The following MPI variants were observed in gnomAD, a reference collection of about 807,000 sequenced individuals.
The protein encoded by MPI is mannose phosphate isomerase.
A neutral mutation model predicts 40.1 loss-of-function variants in MPI; 33 were observed. The ratio of observed to expected loss-of-function variants is 0.82; its 90% CI spans 0.62 to 1.10. The LOEUF is 1.10. Ranked by LOEUF, MPI falls within the 50% of genes least tolerant of loss-of-function variation. The pLI, the probability that MPI is intolerant of heterozygous loss-of-function variation, is 0.00. For synonymous variants in MPI, 187 were observed against 207.4 expected, an observed-to-expected ratio of 0.90 and a Z score of 0.85; for missense variants, 514 against 524.1, an observed-to-expected ratio of 0.98 and a Z score of 0.19.
intron 5 of MPI, among the ~76,000 whole-genome samples, chr15:74,894,091 T>TG (rs2064774886): frequency 5.3e-5 from 3 of 56,814 alleles, no homozygotes; most frequent in Non-Finnish European, 3.5e-5. Flanking sequence ...TGTGTGTGTG[T>TG]GTGTGTGTGT....
rs1318475535 is a variant in MPI at position 74,901,131 on chromosome 15, T to C, written c.*3401T>C. 2 of 152,176 alleles carry C rather than the reference T, an allele frequency of 1.3e-5. No homozygotes were observed. The highest frequency in any genetic ancestry group is 6.6e-5 in the Admixed American group (1 of 15,256). The allele number at this position is 152,176 out of a possible 1,614,324, so 9.4% of individuals were successfully genotyped here. A position where few individuals can be genotyped will look rare whatever the true frequency, so the allele number is the denominator to read the frequency against. ...GAACCTATACCCCAATCCCGACTATTGGGCTGGGAACCCTGTCTATGCCCA... is the reference window on the plus strand; with the variant it reads ...GAACCTATACCCCAATCCCGACTATCGGGCTGGGAACCCTGTCTATGCCCA... On this transcript the variant is annotated 3_prime_UTR_variant, in exon 8 of 8. Transcript: ENST00000352410.
intron 5 of MPI, among the ~76,000 whole-genome samples, chr15:74,895,097 C>G (rs1330553656): frequency 2.7e-5 from 4 of 146,394 alleles, no homozygotes; most frequent in Non-Finnish European, 6.0e-5. Context: ...TCCCGAGTAG[C>G]TGGGATTACA....
At position 74,891,480 on chromosome 15, in the gene MPI, G is replaced by T; in HGVS notation, c.246G>T (p.Leu82Phe). Residue 82 changes from leucine to phenylalanine, a missense_variant, in exon 3 of 8, where the codon TTG becomes TTT. Coordinates refer to ENST00000352410, the MANE Select transcript of MPI (RefSeq NM_002435.3). Reference protein sequence around the residue: ...SQWIAENQDSLGSKVKDTFNG... With the variant: ...SQWIAENQDSFGSKVKDTFNG... ...GGATTGCTGAGAACCAGGACAGCTT[G>T]GGCTCAAAGGTCAAGGACACCTTTA... The T allele has an allele frequency of 1.9e-6, 3 of 1,614,168 alleles. No homozygotes were observed. Among genetic ancestry groups the T allele is most frequent in the Non-Finnish European group, 2.5e-6 (3 of 1,180,030 alleles).
rs1249112550 is a variant in MPI, at chr15:74,899,653, G to A, written c.*1923G>A. On this transcript the variant is annotated 3_prime_UTR_variant, in exon 8 of 8. Transcript: ENST00000352410. ...TTAACTTTTATTTTTTTGAGACGGAGTCTCGCACTGTCTCCCGGGCTGGAG... is the reference window on the plus strand; with the variant it reads ...TTAACTTTTATTTTTTTGAGACGGAATCTCGCACTGTCTCCCGGGCTGGAG... 1.3e-5 allele frequency: 2 copies of A among 152,218 alleles called. No individual in the cohort carries two copies. Among genetic ancestry groups the A allele is most frequent in the African/African-American group, 4.8e-5 (2 of 41,458 alleles). The allele number at this position is 152,218 out of a possible 1,614,324, so 9.4% of individuals were successfully genotyped here. A position where few individuals can be genotyped will look rare whatever the true frequency, so the allele number is the denominator to read the frequency against.
intron 4 of MPI, 146 bp from the exon 5 acceptor site, chr15:74,892,992 G>A (rs1301737593): frequency 3.0e-6 from 4 of 1,316,350 alleles, no homozygotes; most frequent in African/African-American, 2.9e-5. Flanking sequence ...GGCTGGTGGT[G>A]AGTGATTGGT....
rs746569993 is a variant in MPI at position 74,901,910 on chromosome 15, C to G, written c.*4180C>G. 1 of 393,608 alleles carries G rather than the reference C, an allele frequency of 2.5e-6. No individual in the cohort carries two copies. The highest frequency in any genetic ancestry group is 4.4e-5 in the Admixed American group (1 of 22,544). The allele number at this position is 393,608 out of a possible 1,614,324, so 24.4% of individuals were successfully genotyped here. On this transcript the variant is annotated 3_prime_UTR_variant, in exon 8 of 8. Coordinates refer to ENST00000352410, the MANE Select transcript of MPI (RefSeq NM_002435.3). ...ATATGAACATGTCAGAGCAGTTTTT[C>G]TCTAACTAGGGAAGGGCAAACCAGA...
chr15:74,897,035 C>A lies in MPI; in HGVS notation c.869C>A (p.Ser290Ter). 6.2e-7 allele frequency: 1 copy of A among 1,614,140 alleles called. No homozygotes were observed. The highest frequency in any genetic ancestry group is 1.1e-5 in the South Asian group (1 of 91,080). Residue 290 changes from serine (S) to a stop codon, truncating the protein, a stop_gained, in exon 7 of 8, where the codon TCA (serine) becomes TAA (stop). Transcript: ENST00000352410. LOFTEE classifies it high-confidence loss of function. Reference sequence around the variant, plus strand: ...GACTGCGTGGAGTGCATGGCGTGTTCAGACAACACAGTTCGTGCTGGCCTG... The same window carrying A: ...GACTGCGTGGAGTGCATGGCGTGTTAAGACAACACAGTTCGTGCTGGCCTG... ...KGDCVECMAC[S>*]DNTVRAGLTP...
At chr15:74,894,077 T>TGTGTGTGTGTGTG (rs2064772298) in intron 5 of MPI, among the ~76,000 whole-genome samples, 1 of 61,350 alleles carries the variant, frequency 1.6e-5, no homozygotes, top group East Asian at 1.0e-3. Context: ...TGTGTGTGTG[T>TGTGTGTGTGTGTG]GTGTGTGTGT....
Position 74,891,365 on chromosome 15 carries a change from T to C in MPI, c.145-14T>C. On this transcript the variant is annotated splice_polypyrimidine_tract_variant and intron_variant, in intron 2 of 7. Transcript: ENST00000352410. ...TTCTTCCCCCTTCCCCTCCCAAGTT[T>C]CCTGTCTTTCCAGTTGTGGATGGGG... 6.2e-7 allele frequency: 1 copy of C among 1,613,662 alleles called. No homozygotes were observed. The highest frequency in any genetic ancestry group is 8.5e-7 in the Non-Finnish European group (1 of 1,179,868).
At chr15:74,897,329 G>C in intron 7 of MPI, 110 bp downstream of exon 7, 1 of 1,423,838 alleles carries the variant, frequency 7.0e-7, no homozygotes, top group Non-Finnish European at 9.8e-7. Context: ...CCACTTGGCG[G>C]AGGGTGGCCC....
At chr15:74,890,730 A>G in intron 2 of MPI, 76 bp downstream of exon 2, 2 of 1,600,178 alleles carry the variant, frequency 1.2e-6, no homozygotes, top group Non-Finnish European at 1.7e-6. Flanking sequence ...CATAAGAATC[A>G]GCTGGGAAGG....
rs749734985 is a variant in MPI, at chr15:74,896,994, G to A, written c.845-17G>A. The A allele has an allele frequency of 6.2e-7, 1 of 1,613,592 alleles. No individual in the cohort carries two copies. Among genetic ancestry groups the A allele is most frequent in the Non-Finnish European group, 8.5e-7 (1 of 1,179,620 alleles). ...GGCATACTTCATCAGCTTAGCACAT[G>A]ACGACTGTCTCTCCAGACTGCGTGG... On this transcript the variant is annotated splice_polypyrimidine_tract_variant and intron_variant, in intron 6 of 7. Transcript: ENST00000352410.
chr15:74,892,894 A>G, intron 4 of MPI, 92 bp downstream of exon 4: 1 of 1,594,738 alleles, frequency 6.3e-7, no homozygotes, highest in African/African-American at 1.3e-5. Context: ...AACGGGTCAC[A>G]TGTCACAGGA....
chr15:74,890,200 G>T, intron 1 of MPI, 111 bp downstream of exon 1: 1 of 1,486,250 alleles, frequency 6.7e-7, no homozygotes, highest in Non-Finnish European at 9.2e-7. Flanking sequence ...GCGGAAAGAT[G>T]GGTGGGTGCC....
rs2141209567 is a variant in MPI, at chr15:74,897,543, TG to T, written c.1087del (p.Ala363HisfsTer9). On this transcript the variant is annotated frameshift_variant, in exon 8 of 8. Coordinates refer to ENST00000352410, the MANE Select transcript of MPI (RefSeq NM_002435.3). LOFTEE classifies it high-confidence loss of function. The part of the protein sequence containing the change: ...VPGSVTEYKV[L>X]ALDSASILLM... Reference sequence around the variant, plus strand: ...GGCTCTGTCACTGAATACAAGGTCTTGGCACTGGACTCTGCCAGCATCCTCC... The same window carrying T: ...GGCTCTGTCACTGAATACAAGGTCTTGCACTGGACTCTGCCAGCATCCTCC... The T allele has an allele frequency of 1.2e-6, 2 of 1,614,118 alleles. No homozygotes were observed. Among genetic ancestry groups the T allele is most frequent in the Non-Finnish European group, 1.7e-6 (2 of 1,179,972 alleles).
chr15:74,892,722 C>A lies in MPI; in HGVS notation c.407C>A (p.Pro136Gln). The part of the protein sequence containing the change: ...PQHYPDANHK[P>Q]EMAIALTPFQ... ...CACTACCCCGATGCCAACCACAAGC[C>A]AGAGATGGCCATTGCCCTCACCCCC... Residue 136 changes from proline to glutamine, a missense_variant, in exon 4 of 8, where the codon CCA becomes CAA. Physicochemically the swap from Pro to Gln is moderately conservative, Grantham distance 76. Transcript: ENST00000352410. 6.2e-7 allele frequency: 1 copy of A among 1,614,270 alleles called. No homozygotes were observed. The highest frequency in any genetic ancestry group is 8.5e-7 in the Non-Finnish European group (1 of 1,180,054).
At position 74,892,693 on chromosome 15, in the gene MPI, G is replaced by A. The variant is rs752948071; in HGVS notation, c.378G>A (p.Pro126=). The change falls in exon 4 of 8, where the codon CCG becomes CCA. Residue 126 remains proline, a synonymous_variant. Coordinates refer to ENST00000352410, the MANE Select transcript of MPI (RefSeq NM_002435.3). The part of the protein sequence containing the change: ...ELAEKLHLQA[P]QHYPDANHKP... Reference sequence around the variant, plus strand: ...CAGAGAAGCTGCACCTCCAGGCTCCGCAGCACTACCCCGATGCCAACCACA... The same window carrying A: ...CAGAGAAGCTGCACCTCCAGGCTCCACAGCACTACCCCGATGCCAACCACA... 39 of 1,614,104 alleles carry A rather than the reference G, an allele frequency of 2.4e-5. No homozygotes were observed. In the African/African-American group the frequency reaches 3.2e-4, roughly 13 times the overall value.
rs1396339191 is a variant in MPI at position 74,898,600 on chromosome 15, C to G, written c.*870C>G. The G allele has an allele frequency of 6.6e-6, 1 of 151,916 alleles. No homozygotes were observed. Among genetic ancestry groups the G allele is most frequent in the African/African-American group, 2.4e-5 (1 of 41,306 alleles). The allele number at this position is 151,916 out of a possible 1,614,324, so 9.4% of individuals were successfully genotyped here. A position where few individuals can be genotyped will look rare whatever the true frequency, so the allele number is the denominator to read the frequency against. ...TAGCCCAGGCTGGAGTGCAGTGGCA[C>G]GATCTCGGCTCATTGCAAGCTCCGC... On this transcript the variant is annotated 3_prime_UTR_variant, in exon 8 of 8. Coordinates refer to ENST00000352410, the MANE Select transcript of MPI (RefSeq NM_002435.3).
rs1407440742 is a variant in MPI, at chr15:74,900,508, C to A, written c.*2778C>A. Reference sequence around the variant, plus strand: ...GGTCTATACTTACCTTCCACAGCCACCTCCCAGCACACACTGGGTCCCTCT... The same window carrying A: ...GGTCTATACTTACCTTCCACAGCCAACTCCCAGCACACACTGGGTCCCTCT... On this transcript the variant is annotated 3_prime_UTR_variant, in exon 8 of 8. Transcript: ENST00000352410. 1 of 152,320 alleles carries A rather than the reference C, an allele frequency of 6.6e-6. No homozygotes were observed. Among genetic ancestry groups the A allele is most frequent in the Non-Finnish European group, 1.5e-5 (1 of 68,122 alleles). The allele number at this position is 152,320 out of a possible 1,614,324, so 9.4% of individuals were successfully genotyped here. A position where few individuals can be genotyped will look rare whatever the true frequency, so the allele number is the denominator to read the frequency against.
Sources: allele counts gnomAD v4.1 joint callset (sites outside exome capture counted in the v4.1 genomes callset), GRCh38; gene constraint gnomAD v4.1.1; transcripts MANE v1.5; gene names NCBI Gene and HGNC (gene_info 2026-07-23, HGNC 2026-07-21).